Variants in PTPN12 observed in about 807,000 individuals in gnomAD.
PTPN12 encodes the protein tyrosine-protein phosphatase non-receptor type 12.
Under a neutral mutation model 97.6 loss-of-function variants are expected in PTPN12, and 29 were observed. That is an observed-to-expected ratio of 0.30 (90% confidence interval 0.22 to 0.41). The LOEUF (loss-of-function observed/expected upper bound fraction) is 0.41, where lower values mean the gene tolerates loss of function less well. Ranked by LOEUF, PTPN12 falls within the 10% of genes least tolerant of loss-of-function variation. The pLI, the probability that PTPN12 is intolerant of heterozygous loss-of-function variation, is 1.00. For synonymous variants in PTPN12, 327 were observed against 300.4 expected (o/e 1.09, Z -0.91); for missense variants, 819 against 926.0 (o/e 0.88, Z 1.50).
intron 7 of PTPN12, among the ~76,000 whole-genome samples, chr7:77,599,941 A>G (rs1437369254): frequency 6.6e-6 from 1 of 152,208 alleles, no homozygotes; most frequent in Non-Finnish European, 1.5e-5. Flanking sequence ...TGTATCTTTC[A>G]GTATATACTA....
chr7:77,552,362 A>G (rs1488725791), intron 1 of PTPN12, among the ~76,000 whole-genome samples: 1 of 151,952 alleles, frequency 6.6e-6, no homozygotes, highest in African/African-American at 2.4e-5. Flanking sequence ...TAACCAATAC[A>G]TTTAATTTCT....
intron 1 of PTPN12, among the ~76,000 whole-genome samples, chr7:77,549,289 T>C (rs1807365200): frequency 1.3e-5 from 2 of 152,130 alleles, no homozygotes; most frequent in Admixed American, 6.5e-5. Context: ...TATTTTAAGG[T>C]TTCAGCTCCA....
chr7:77,549,981 G>A (rs1807408557), intron 1 of PTPN12, among the ~76,000 whole-genome samples: 1 of 152,098 alleles, frequency 6.6e-6, no homozygotes, highest in African/African-American at 2.4e-5. Flanking sequence ...CTTCACAATA[G>A]GTTTTGCATT....
Position 77,585,266 on chromosome 7 carries a change from T to C in PTPN12, c.382-277T>C, listed in dbSNP as rs187003823. On this transcript the variant is annotated intron_variant, in intron 4 of 17. Coordinates refer to ENST00000248594, the MANE Select transcript of PTPN12 (RefSeq NM_002835.4). ...TGATATTTTAATATAATTTCAGAAG[T>C]CACAAAGTAAATCTGTAAGATTTAC... The C allele has an allele frequency of 3.9e-5, 10 of 254,038 alleles. No homozygotes were observed. In the Admixed American group the frequency reaches 4.8e-4, roughly 12 times the overall value. 15.7% of individuals were successfully genotyped at this position (254,038 alleles called of 1,614,324 possible).
At chr7:77,543,210 T>A (rs1009301539) in intron 1 of PTPN12, among the ~76,000 whole-genome samples, 1 of 151,972 alleles carries the variant, frequency 6.6e-6, no homozygotes, top group East Asian at 1.9e-4. Context: ...ACAGTTTGGG[T>A]TGGGGTATGG....
chr7:77,579,640 A>G (rs1302523511), intron 2 of PTPN12, among the ~76,000 whole-genome samples: 1 of 152,348 alleles, frequency 6.6e-6, no homozygotes, highest in East Asian at 1.9e-4. Context: ...CTATAAATCT[A>G]AAATTAGTTC....
At position 77,625,558 on chromosome 7, in the gene PTPN12, T is replaced by G. The variant is rs1175743425; in HGVS notation, c.1026-1147T>G. On this transcript the variant is annotated intron_variant, in intron 12 of 17. Transcript: ENST00000248594. ...CTCACTCGCGCTCTCTCTCTCGCTC[T>G]CTCTCTCTTTTTTTTTTTTTTTTTT... 2.1e-3 allele frequency among the ~76,000 whole-genome samples: 112 copies of G among 52,626 alleles called. 18 individuals carry two copies. The highest frequency in any genetic ancestry group is 7.1e-3 in the Middle Eastern group (1 of 140). The allele number at this position is 52,626 out of a possible 152,430, so 34.5% of individuals were successfully genotyped here.
chr7:77,639,153 C>A, intron 17 of PTPN12, 66 bp from the exon 18 acceptor site: 1 of 1,261,676 alleles, frequency 7.9e-7, no homozygotes, highest in Non-Finnish European at 1.1e-6. Context: ...TGTCTGTGGA[C>A]ATGGTTTTTA....
In PTPN12 at chr7:77,537,482, G is replaced by A; in HGVS notation, c.-65G>A. 1 of 1,496,456 alleles carries A rather than the reference G, an allele frequency of 6.7e-7. No individual in the cohort carries two copies. The highest frequency in any genetic ancestry group is 8.9e-7 in the Non-Finnish European group (1 of 1,121,688). The allele number at this position is 1,496,456 out of a possible 1,614,324, so 92.7% of individuals were successfully genotyped here. ...GGGAACGAGCTGGGGAAGACGGAGC[G>A]GGCTCTGTGCCGGGCGGGCGGGCGG... On this transcript the variant is annotated 5_prime_UTR_variant, in exon 1 of 18. Transcript: ENST00000248594.
intron 2 of PTPN12, among the ~76,000 whole-genome samples, chr7:77,573,373 T>C (rs1787226677): frequency 6.6e-6 from 1 of 152,184 alleles, no homozygotes; most frequent in South Asian, 2.1e-4. Context: ...GAAGGGTCAC[T>C]CTGGCTCATA....
intron 1 of PTPN12, among the ~76,000 whole-genome samples, chr7:77,559,495 A>G (rs1472962365): frequency 6.6e-6 from 1 of 152,214 alleles, no homozygotes; most frequent in Non-Finnish European, 1.5e-5. Context: ...GTGATATAAT[A>G]AAGAAGTGAA....
At chr7:77,543,493 C>T (rs1337602052) in intron 1 of PTPN12, among the ~76,000 whole-genome samples, 1 of 151,446 alleles carries the variant, frequency 6.6e-6, no homozygotes, top group African/African-American at 2.4e-5. Flanking sequence ...AGTGTTGTAG[C>T]TTATAGGTTT....
At chr7:77,596,239 C>CT (rs1317750753) in intron 6 of PTPN12, among the ~76,000 whole-genome samples, 3 of 151,890 alleles carry the variant, frequency 2.0e-5, no homozygotes, top group South Asian at 2.1e-4. Flanking sequence ...TCTTTACTGT[C>CT]TATACAAATT....
chr7:77,562,989 T>A (rs1239775157), intron 1 of PTPN12, among the ~76,000 whole-genome samples: 1 of 152,124 alleles, frequency 6.6e-6, no homozygotes, highest in African/African-American at 2.4e-5. Flanking sequence ...CTTGTTTTTT[T>A]ATTACATTTT....
intron 2 of PTPN12, among the ~76,000 whole-genome samples, chr7:77,573,957 C>T (rs2151322497): frequency 6.6e-6 from 1 of 152,310 alleles, no homozygotes; most frequent in South Asian, 2.1e-4. Flanking sequence ...GACGTGGTTT[C>T]ACCATGTTGG....
chr7:77,602,835 A>G (rs977459537), intron 8 of PTPN12, among the ~76,000 whole-genome samples: 6 of 152,168 alleles, frequency 3.9e-5, no homozygotes, highest in Admixed American at 6.5e-5. Context: ...ACTGCTATCA[A>G]TTTATTCCTC....
intron 2 of PTPN12, among the ~76,000 whole-genome samples, chr7:77,573,629 G>A (rs932036325): frequency 6.6e-6 from 1 of 152,150 alleles, no homozygotes; most frequent in Non-Finnish European, 1.5e-5. Flanking sequence ...TGGATACTTC[G>A]TATTAAGCAA....
intron 13 of PTPN12, among the ~76,000 whole-genome samples, 183 bp downstream of exon 13, chr7:77,627,858 CATT>C (rs1216818596): frequency 2.6e-5 from 4 of 152,134 alleles, no homozygotes; most frequent in Admixed American, 1.3e-4. Flanking sequence ...AATTTGGTCA[CATT>C]ATATTACTGG....
chr7:77,600,634 A>C, intron 7 of PTPN12, 30 bp from the exon 8 acceptor site: 7 of 1,549,234 alleles, frequency 4.5e-6, no homozygotes, highest in Non-Finnish European at 6.1e-6. Context: ...AAGTATTTTC[A>C]TAATTGTTGA....
Sources: gnomAD v4.1 joint callset for allele counts (sites outside exome capture counted in the v4.1 genomes callset) on GRCh38, gnomAD v4.1.1 for gene constraint, MANE v1.5 for transcripts, NCBI Gene and HGNC (gene_info 2026-07-23, HGNC 2026-07-21) for gene names.